The following USP6 variants were observed in gnomAD, a reference collection of about 807,000 sequenced individuals.
USP6 encodes the protein ubiquitin specific peptidase 6.
USP6 carries 128 observed loss-of-function variants against 175.7 expected under a neutral mutation model. The observed-to-expected ratio is 0.73, with a 90% CI of 0.63 to 0.84. The LOEUF (loss-of-function observed/expected upper bound fraction) is 0.84, where lower values mean the gene tolerates loss of function less well. USP6 is among the 40% of genes least tolerant of loss of function. USP6 has a pLI of 0.00. For synonymous variants in USP6, 562 were observed against 630.6 expected (o/e 0.89, Z 1.63); for missense variants, 1,498 against 1,760.3 (o/e 0.85, Z 2.67).
In USP6 at chr17:5,171,679, G is replaced by A; in HGVS notation, c.4047G>A (p.Glu1349=). 6.2e-7 allele frequency: 1 copy of A among 1,612,618 alleles called. No individual in the cohort carries two copies. The highest frequency in any genetic ancestry group is 8.5e-7 in the Non-Finnish European group (1 of 1,179,232). ...ACTGTTATAATGACAGCAGCTGTGA[G>A]GTAAACATTCTCAATCTTTGAATGA... ...KWYCYNDSSC[E]ELHPDEIDTD... Residue 1349 remains glutamate, a splice_region_variant and synonymous_variant, in exon 37 of 38, where the codon GAG becomes GAA. Transcript: ENST00000574788.
At position 5,128,959 on chromosome 17, in the gene USP6, TG is replaced by T. The variant is rs758977596; in HGVS notation, c.-326del. Reference sequence around the variant, plus strand: ...CTGCTCTCTTCCCTCCAGGCTGACTTGGGGACAGTGGCTATGGTATGGGCGG... The same window carrying T: ...CTGCTCTCTTCCCTCCAGGCTGACTTGGGACAGTGGCTATGGTATGGGCGG... On this transcript the variant is annotated 5_prime_UTR_variant, in exon 8 of 38. The change creates a premature stop within an existing upstream ORF in the 5' untranslated region. Transcript: ENST00000574788. 6.5e-6 allele frequency: 1 copy of T among 152,722 alleles called. No individual in the cohort carries two copies. The highest frequency in any genetic ancestry group is 1.5e-5 in the Non-Finnish European group (1 of 68,130). 9.5% of individuals were successfully genotyped at this position (152,722 alleles called of 1,614,324 possible).
rs746696261 is a variant in USP6, at chr17:5,133,954, C to T, written c.452C>T (p.Thr151Ile). Residue 151 changes from threonine to isoleucine, a missense_variant, in exon 15 of 38, where the codon ACT becomes ATT. Physicochemically the swap from Thr to Ile is moderately conservative, Grantham distance 89 (BLOSUM62 -1). This residue lies in a region of USP6 where 281 missense variants were observed against 259.6 expected (regional missense o/e 1.08). Transcript: ENST00000574788. ...IHHIDLDVRTTLRNHVFFRDR... is the reference protein window; with the variant it reads ...IHHIDLDVRTILRNHVFFRDR... ...CACATCGACCTGGACGTGAGGACGA[C>T]TCTCCGGAACCATGTCTTCTTTAGG... The T allele has an allele frequency of 7.4e-6, 12 of 1,614,144 alleles. 1 individual carries two copies. The South Asian group carries it at 1.3e-4, about 18-fold the overall frequency.
chr17:5,142,460 C>G lies in USP6; in HGVS notation c.1776C>G (p.Leu592=). 2 of 1,613,906 alleles carry G rather than the reference C, an allele frequency of 1.2e-6. No homozygotes were observed. The part of the protein sequence containing the change: ...AKCYGDLVQE[L]WSGTQKSVAP... ...GCTATGGTGATTTAGTGCAGGAACT[C>G]TGGAGTGGAACTCAGAAGAGTGTTG... Residue 592 remains leucine (L), a synonymous_variant, in exon 25 of 38, where the codon CTC becomes CTG. Coordinates refer to ENST00000574788, the MANE Select transcript of USP6 (RefSeq NM_001304284.2).
At position 5,169,422 on chromosome 17, in the gene USP6, T is replaced by A. The variant is rs145218061; in HGVS notation, c.3517+367T>A. Among the ~76,000 whole-genome samples, 262 of 152,178 alleles carry A rather than the reference T, an allele frequency of 1.7e-3. 2 individuals are homozygous for A. The highest frequency in any genetic ancestry group is 5.8e-3 in the African/African-American group (239 of 41,522). ...GGGGTCTAGAGGATCAAAACTCCTT[T>A]TTTATTTATTTATTTTATTTTTTGT... On this transcript the variant is annotated intron_variant, in intron 35 of 37. Transcript: ENST00000574788.
Position 5,129,057 on chromosome 17 carries a change from A to G in USP6, c.-232A>G, listed in dbSNP as rs1161214593. ...ACCGGGCGCCCGTTCTACACTGCCC[A>G]TGTAGACGATTTTCTCTTTCGTCTT... On this transcript the variant is annotated 5_prime_UTR_variant, in exon 8 of 38. It removes an upstream start codon present in the reference 5' UTR. Coordinates refer to ENST00000574788, the MANE Select transcript of USP6 (RefSeq NM_001304284.2). 1 of 152,516 alleles carries G rather than the reference A, an allele frequency of 6.6e-6. No homozygotes were observed. Among genetic ancestry groups the G allele is most frequent in the Non-Finnish European group, 1.5e-5 (1 of 68,058 alleles). 9.4% of individuals were successfully genotyped at this position (152,516 alleles called of 1,614,324 possible). A position where few individuals can be genotyped will look rare whatever the true frequency, so the allele number is the denominator to read the frequency against.
chr17:5,135,238 A>C lies in USP6; in HGVS notation c.499A>C (p.Arg167=), dbSNP rs60299784. The change falls in exon 16 of 38, where the codon AGG becomes CGG. Residue 167 remains arginine (R), a synonymous_variant. Coordinates refer to ENST00000574788, the MANE Select transcript of USP6 (RefSeq NM_001304284.2). ...FFRDRYGAKQ[R]ELFYILLAYS... ...CCCCCTTTCTGTGTTTCCTAGGCAG[A>C]GGGAACTATTCTACATCCTCCTGGC... 1,483 of 1,612,776 alleles carry C rather than the reference A, an allele frequency of 9.2e-4. 16 individuals carry two copies. In the African/African-American group the frequency reaches 0.018, roughly 19 times the overall value.
chr17:5,152,232 A>G (rs1422249629), intron 30 of USP6, among the ~76,000 whole-genome samples: 1 of 146,780 alleles, frequency 6.8e-6, no homozygotes, highest in East Asian at 2.0e-4. Context: ...ACAGAGCGAG[A>G]CTCCGTCTCA....
At chr17:5,126,213 C>G (rs1383109025) in intron 6 of USP6, among the ~76,000 whole-genome samples, 1 of 152,116 alleles carries the variant, frequency 6.6e-6, no homozygotes, top group Non-Finnish European at 1.5e-5. Flanking sequence ...AAGCAGAGCC[C>G]CAGCATGTAC....
At position 5,130,459 on chromosome 17, in the gene USP6, T is replaced by C. The variant is rs776555886; in HGVS notation, c.72+20T>C. ...GACAAGGTACAGTTCGGTCTGCTCCTTGGAGGGAGGCCTCTTCCAGTGCGC... is the reference window on the plus strand; with the variant it reads ...GACAAGGTACAGTTCGGTCTGCTCCCTGGAGGGAGGCCTCTTCCAGTGCGC... On this transcript the variant is annotated intron_variant, in intron 10 of 37. Transcript: ENST00000574788. The C allele has an allele frequency of 2.5e-6, 4 of 1,614,038 alleles. No homozygotes were observed. The South Asian group carries it at 4.4e-5, about 18-fold the overall frequency.
In USP6 at chr17:5,147,147, T is replaced by G; in HGVS notation, c.2384T>G (p.Ile795Ser). 1 of 1,613,810 alleles carries G rather than the reference T, an allele frequency of 6.2e-7. No homozygotes were observed. Among genetic ancestry groups the G allele is most frequent in the Non-Finnish European group, 8.5e-7 (1 of 1,179,826 alleles). ...AGCGGATTTTTGTGTGCATTTGAAA[T>G]TCCTGTCCCTTCATCTCCAATTTCA... ...SVSGFLCAFE[I>S]PVPSSPISAS... is the part of the protein sequence containing the mutation. Residue 795 changes from isoleucine (I) to serine (S), a missense_variant, in exon 29 of 38, where the codon ATT becomes AGT. Transcript: ENST00000574788.
At chr17:5,129,860 A>C (rs906208310) in intron 8 of USP6, 76 bp from the exon 9 acceptor site, 2 of 171,066 alleles carry the variant, frequency 1.2e-5, no homozygotes, top group Admixed American at 1.1e-4. Context: ...TTCACTGGTT[A>C]GACTGAAGGG....
chr17:5,168,049 T>G lies in USP6; in HGVS notation c.3154T>G (p.Tyr1052Asp), dbSNP rs1188488519. 2.5e-6 allele frequency: 4 copies of G among 1,611,912 alleles called. No homozygotes were observed. Among genetic ancestry groups the G allele is most frequent in the Non-Finnish European group, 3.4e-6 (4 of 1,179,862 alleles). Residue 1052 changes from tyrosine to aspartate, a missense_variant, in exon 34 of 38, where the codon TAC (tyrosine) becomes GAC (aspartate). Transcript: ENST00000574788. ...GGAAGAGCTAGGGGAAAGTGAGATG[T>G]ACTACTGTTCCAAGTGTAAGACCCA... ...SEEELGESEMYYCSKCKTHCL... is the reference protein window; with the variant it reads ...SEEELGESEMDYCSKCKTHCL...
At chr17:5,150,488 A>C (rs1403873352) in intron 30 of USP6, among the ~76,000 whole-genome samples, 1 of 151,370 alleles carries the variant, frequency 6.6e-6, no homozygotes, top group Non-Finnish European at 1.5e-5. Flanking sequence ...TTTAAACAAC[A>C]GAAATATATC....
At chr17:5,157,755 CG>C (rs2073915194) in intron 31 of USP6, among the ~76,000 whole-genome samples, 1 of 152,044 alleles carries the variant, frequency 6.6e-6, no homozygotes, top group South Asian at 2.1e-4. Flanking sequence ...CTCAGCCTCC[CG>C]AGTAGCTGGG....
intron 37 of USP6, 73 bp from the exon 38 acceptor site, chr17:5,172,732 T>C: frequency 6.3e-7 from 1 of 1,582,660 alleles, no homozygotes; most frequent in East Asian, 2.2e-5. Context: ...AGGGTTGGTC[T>C]TCCCTTTCCT....
In USP6 at chr17:5,123,301, T is replaced by TG. The variant is rs36099285; in HGVS notation, c.-1298-1258dup. ...GGTCGCCTTTTCCCCGCACCGCCGG[T>TG]GGGGGGGTGGTAGAGGCAGCGCCTC... On this transcript the variant is annotated intron_variant, in intron 4 of 37. Transcript: ENST00000574788. Among the ~76,000 whole-genome samples, 19 of 151,394 alleles carry TG rather than the reference T, an allele frequency of 1.3e-4. No individual in the cohort carries two copies. The East Asian group carries it at 2.7e-3, about 22-fold the overall frequency.
chr17:5,145,533 G>T lies in USP6; in HGVS notation c.2121G>T (p.Leu707Phe). The change falls in exon 27 of 38, where the codon TTG becomes TTT. Residue 707 changes from leucine to phenylalanine, a missense_variant. Physicochemically the swap from Leu to Phe is conservative, Grantham distance 22. This residue lies in a region of USP6 where 1,217 missense variants were observed against 1,500.8 expected (regional missense o/e 0.81). Coordinates refer to ENST00000574788, the MANE Select transcript of USP6 (RefSeq NM_001304284.2). ...TCCGATTTGACCCTTTCAATTTTTT[G>T]TCTTTGCCACTACCAATGGACAGTT... ...ISVRFDPFNF[L>F]SLPLPMDSYM... 1.2e-6 allele frequency: 2 copies of T among 1,610,954 alleles called. No homozygotes were observed. The highest frequency in any genetic ancestry group is 1.7e-6 in the Non-Finnish European group (2 of 1,178,764).
intron 4 of USP6, chr17:5,123,121 G>C (rs2072751365): frequency 6.5e-6 from 1 of 154,008 alleles, no homozygotes; most frequent in Non-Finnish European, 1.5e-5. Flanking sequence ...GCCGTCAGAG[G>C]GGCGGCGGCA....
intron 31 of USP6, among the ~76,000 whole-genome samples, chr17:5,159,752 C>G (rs1429288563): frequency 6.6e-6 from 1 of 152,006 alleles, no homozygotes; most frequent in Admixed American, 6.6e-5. Flanking sequence ...CACTTGAGCC[C>G]AGGAGTTCAA....
Sources: gnomAD v4.1 joint callset for allele counts (sites outside exome capture counted in the v4.1 genomes callset) on GRCh38, gnomAD v4.1.1 for gene constraint, gnomAD v4.1.1 regional missense constraint, MANE v1.5 for transcripts, NCBI Gene and HGNC (gene_info 2026-07-23, HGNC 2026-07-21) for gene names.